The following PPP1CA variants were observed in gnomAD, a reference collection of about 807,000 sequenced individuals.
PPP1CA encodes the protein protein phosphatase 1 catalytic subunit alpha.
A neutral mutation model predicts 38.5 loss-of-function variants in PPP1CA; 14 were observed. That is an observed-to-expected ratio of 0.36 (90% CI 0.24 to 0.57). The LOEUF is 0.57. Ranked by LOEUF, PPP1CA falls within the 20% of genes least tolerant of loss-of-function variation. The pLI, the probability that PPP1CA is intolerant of heterozygous loss-of-function variation, is 0.80. For synonymous variants in PPP1CA, 200 were observed against 177.3 expected, an observed-to-expected ratio of 1.13 and a Z score of -1.02; for missense variants, 277 against 435.2, an observed-to-expected ratio of 0.64 and a Z score of 3.23.
chr11:67,401,792 GC>G lies in PPP1CA; in HGVS notation c.-11del. On this transcript the variant is annotated 5_prime_UTR_variant, in exon 1 of 7. Coordinates refer to ENST00000376745, the MANE Select transcript of PPP1CA (RefSeq NM_002708.4). ...TCTCGCTGTCGGACATGGCGGCGCC[GC>G]CGCTCCAGCCCAGCAGCTCCTGGCC... 2 of 1,463,870 alleles carry G rather than the reference GC, an allele frequency of 1.4e-6. No individual in the cohort carries two copies. Among genetic ancestry groups the G allele is most frequent in the Non-Finnish European group, 1.8e-6 (2 of 1,097,956 alleles). The allele number at this position is 1,463,870 out of a possible 1,614,324, so 90.7% of individuals were successfully genotyped here. A position where few individuals can be genotyped will look rare whatever the true frequency, so the allele number is the denominator to read the frequency against.
Position 67,401,147 on chromosome 11 carries a change from G to A in PPP1CA, c.108C>T (p.Arg36=). The change falls in exon 2 of 7, where the codon CGC becomes CGT. Residue 36 remains arginine (R), a synonymous_variant. Coordinates refer to ENST00000376745, the MANE Select transcript of PPP1CA (RefSeq NM_002708.4). ...KNVQLTENEI[R]GLCLKSREIF... ...TCTCCCGGGATTTCAGGCACAGACC[G>A]CGGATCTCGTTCTCTGTCAGCTGTA... The A allele has an allele frequency of 1.2e-6, 2 of 1,613,958 alleles. No individual in the cohort carries two copies. Among genetic ancestry groups the A allele is most frequent in the Non-Finnish European group, 1.7e-6 (2 of 1,180,000 alleles).
chr11:67,398,532 G>A lies in PPP1CA; in HGVS notation c.*3C>T, dbSNP rs764282293. 19 of 1,613,224 alleles carry A rather than the reference G, an allele frequency of 1.2e-5. No individual in the cohort carries two copies. The highest frequency in any genetic ancestry group is 1.6e-4 in the Middle Eastern group (1 of 6,074). The stretch of plus-strand genomic sequence containing the variant: ...ATCTGGGGCACAGGGTGGTGTGCGG[G>A]GGCTATTTCTTGGCTTTGGCGGAAT... On this transcript the variant is annotated 3_prime_UTR_variant, in exon 7 of 7. Coordinates refer to ENST00000376745, the MANE Select transcript of PPP1CA (RefSeq NM_002708.4).
intron 3 of PPP1CA, among the ~76,000 whole-genome samples, chr11:67,400,020 C>T (rs949034034): frequency 6.6e-6 from 1 of 152,134 alleles, no homozygotes. Context: ...GCCTGTAATC[C>T]CAGCTACTTG....
Position 67,398,383 on chromosome 11 carries a change from G to GAT in PPP1CA, c.*150_*151dup. 1 of 761,644 alleles carries GAT rather than the reference G, an allele frequency of 1.3e-6. No individual in the cohort carries two copies. Among genetic ancestry groups the GAT allele is most frequent in the Non-Finnish European group, 2.1e-6 (1 of 480,956 alleles). 47.2% of individuals were successfully genotyped at this position (761,644 alleles called of 1,614,324 possible). A position where few individuals can be genotyped will look rare whatever the true frequency, so the allele number is the denominator to read the frequency against. ...CCCTGGGGGACTGGACGCTGCTATT[G>GAT]ATTCATTAAAAAAAGAAAAGAAAAA... On this transcript the variant is annotated 3_prime_UTR_variant, in exon 7 of 7. Coordinates refer to ENST00000376745, the MANE Select transcript of PPP1CA (RefSeq NM_002708.4).
Position 67,401,496 on chromosome 11 carries a change from G to A in PPP1CA, c.55+232C>T, listed in dbSNP as rs1324442336. 12 of 579,500 alleles carry A rather than the reference G, an allele frequency of 2.1e-5. No individual in the cohort carries two copies. The African/African-American group carries it at 2.1e-4, about 10-fold the overall frequency. The allele number at this position is 579,500 out of a possible 1,614,324, so 35.9% of individuals were successfully genotyped here. A position where few individuals can be genotyped will look rare whatever the true frequency, so the allele number is the denominator to read the frequency against. Reference sequence around the variant, plus strand: ...CCCGGGTTTCTCCCTCGCCCCAAGAGCCCAGGCAACCCGTGCGCCCCCAGC... The same window carrying A: ...CCCGGGTTTCTCCCTCGCCCCAAGAACCCAGGCAACCCGTGCGCCCCCAGC... On this transcript the variant is annotated intron_variant, in intron 1 of 6. Transcript: ENST00000376745.
chr11:67,400,615 AATG>A, intron 3 of PPP1CA, 71 bp downstream of exon 3: 1 of 1,404,450 alleles, frequency 7.1e-7, no homozygotes, highest in South Asian at 1.2e-5. Context: ...ATATCAGGCC[AATG>A]TGAAGGTCCC....
rs769841704 is a variant in PPP1CA at position 67,400,906 on chromosome 11, G to T, written c.201C>A (p.Gly67=). 1.9e-6 allele frequency: 3 copies of T among 1,613,988 alleles called. No homozygotes were observed. Among genetic ancestry groups the T allele is most frequent in the Non-Finnish European group, 1.7e-6 (2 of 1,180,016 alleles). ...APLKICGDIH[G]QYYDLLRLFE... Reference sequence around the variant, plus strand: ...ATAGTCGCAGAAGGTCGTAGTACTGGCCGTGTATGTCACCTGTGACCCAGG... The same window carrying T: ...ATAGTCGCAGAAGGTCGTAGTACTGTCCGTGTATGTCACCTGTGACCCAGG... Residue 67 remains glycine (G), a synonymous_variant, in exon 3 of 7, where the codon GGC becomes GGA. Coordinates refer to ENST00000376745, the MANE Select transcript of PPP1CA (RefSeq NM_002708.4).
chr11:67,400,339 G>GC (rs1425006259), intron 3 of PPP1CA, among the ~76,000 whole-genome samples: 1 of 152,152 alleles, frequency 6.6e-6, no homozygotes, highest in Non-Finnish European at 1.5e-5. Context: ...CTCCTCGCAT[G>GC]CCCCCACCCA....
chr11:67,399,746 G>A (rs897820896), intron 3 of PPP1CA, 81 bp from the exon 4 acceptor site: 1 of 1,185,894 alleles, frequency 8.4e-7, no homozygotes, highest in Non-Finnish European at 1.2e-6. Context: ...CCGTGGCTGG[G>A]AGGAGAGAGT....
chr11:67,400,643 A>G, intron 3 of PPP1CA, 46 bp downstream of exon 3: 1 of 1,551,346 alleles, frequency 6.4e-7, no homozygotes. Context: ...AATGGCAAAG[A>G]GTGCGGTTCA....
At chr11:67,401,621 G>C in intron 1 of PPP1CA, 107 bp downstream of exon 1, 2 of 1,041,458 alleles carry the variant, frequency 1.9e-6, no homozygotes, top group Non-Finnish European at 2.5e-6. Context: ...CTCGCTGCCC[G>C]TCCCCGCCCA....
rs747264951 is a variant in PPP1CA at position 67,401,785 on chromosome 11, C to G, written c.-3G>C. ...TTGAGCTTCTCGCTGTCGGACATGGCGGCGCCGCCGCTCCAGCCCAGCAGC... is the reference window on the plus strand; with the variant it reads ...TTGAGCTTCTCGCTGTCGGACATGGGGGCGCCGCCGCTCCAGCCCAGCAGC... On this transcript the variant is annotated 5_prime_UTR_variant, in exon 1 of 7. Transcript: ENST00000376745. 5.5e-6 allele frequency: 8 copies of G among 1,465,742 alleles called. No individual in the cohort carries two copies. The highest frequency in any genetic ancestry group is 7.3e-6 in the Non-Finnish European group (8 of 1,099,044). The allele number at this position is 1,465,742 out of a possible 1,614,324, so 90.8% of individuals were successfully genotyped here.
At chr11:67,401,420 G>T in intron 1 of PPP1CA, 1 of 754,008 alleles carries the variant, frequency 1.3e-6, no homozygotes, top group Non-Finnish European at 2.1e-6. Context: ...CGTGCGCAGG[G>T]GGCTGCCACC....
intron 4 of PPP1CA, among the ~76,000 whole-genome samples, 158 bp downstream of exon 4, chr11:67,399,403 T>C (rs368772817): frequency 2.2e-4 from 34 of 152,248 alleles, no homozygotes; most frequent in Non-Finnish European, 4.0e-4. Flanking sequence ...GCCCACTCCA[T>C]GTAGGACACA....
rs1213510625 is a variant in PPP1CA at position 67,398,814 on chromosome 11, C to G, written c.790G>C (p.Val264Leu). 3 of 1,613,692 alleles carry G rather than the reference C, an allele frequency of 1.9e-6. No homozygotes were observed. Among genetic ancestry groups the G allele is most frequent in the Non-Finnish European group, 2.5e-6 (3 of 1,180,038 alleles). Reference protein sequence around the residue: ...GYEFFAKRQLVTLFSAPNYCG... With the variant: ...GYEFFAKRQLLTLFSAPNYCG... ...TAGTTGGGAGCTGAGAAAAGTGTCA[C>G]CAGCTGCCGCTTGGCAAAGAACTCG... The change falls in exon 6 of 7, where the codon GTG becomes CTG. Residue 264 changes from valine (V) to leucine (L), a missense_variant. Coordinates refer to ENST00000376745, the MANE Select transcript of PPP1CA (RefSeq NM_002708.4).
chr11:67,401,695 C>T lies in PPP1CA; in HGVS notation c.55+33G>A, dbSNP rs1399562762. 2.2e-6 allele frequency: 3 copies of T among 1,383,674 alleles called. No homozygotes were observed. In the South Asian group the frequency reaches 4.9e-5, roughly 22 times the overall value. 85.7% of individuals were successfully genotyped at this position (1,383,674 alleles called of 1,614,324 possible). ...CCGGGCCGGGCAGGGGGCCAGGGCG[C>T]GGCGGACGCGGGCCTCCCCCGCCCC... On this transcript the variant is annotated intron_variant, in intron 1 of 6. Transcript: ENST00000376745.
intron 4 of PPP1CA, 37 bp downstream of exon 4, chr11:67,399,524 G>GC: frequency 1.3e-6 from 2 of 1,579,886 alleles, no homozygotes; most frequent in Non-Finnish European, 8.7e-7. Flanking sequence ...GAGGGATGCG[G>GC]CCAGTGCTCC....
rs146957656 is a variant in PPP1CA at position 67,398,610 on chromosome 11, G to A, written c.918C>T (p.Tyr306=). 159 of 1,614,118 alleles carry A rather than the reference G, an allele frequency of 9.9e-5. No homozygotes were observed. In the African/African-American group the frequency reaches 1.4e-3, roughly 14 times the overall value. ...LKPADKNKGK[Y]GQFSGLNPGG... is the part of the protein sequence containing the mutation. ...CAGGGTTCAGGCCACTGAACTGCCC[G>A]TACTTCCCCTTGTTCTTGTCGGCGG... is the stretch of plus-strand genomic sequence containing the variant. The change falls in exon 7 of 7, where the codon TAC becomes TAT. Residue 306 remains tyrosine, a synonymous_variant. Transcript: ENST00000376745.
At chr11:67,399,246 C>T in intron 4 of PPP1CA, 83 bp from the exon 5 acceptor site, 1 of 1,241,036 alleles carries the variant, frequency 8.1e-7, no homozygotes, top group Non-Finnish European at 1.1e-6. Context: ...CCACCTTTCC[C>T]ACCACCCTCC....
Sources: allele counts gnomAD v4.1 joint callset (sites outside exome capture counted in the v4.1 genomes callset), GRCh38; gene constraint gnomAD v4.1.1; transcripts MANE v1.5; gene names NCBI Gene and HGNC (gene_info 2026-07-23, HGNC 2026-07-21).